CDK12: variants seen among roughly 807,000 people sequenced by gnomAD.
CDK12 encodes cyclin-dependent kinase 12.
A neutral mutation model predicts 133.8 loss-of-function variants in CDK12; 17 were observed. The observed-to-expected ratio is 0.13, with a 90% CI of 0.09 to 0.19. The LOEUF (loss-of-function observed/expected upper bound fraction) is 0.19, where lower values mean the gene tolerates loss of function less well. Among genes scored for constraint, CDK12 ranks in the 10% least tolerant of loss-of-function variants. CDK12 has a pLI of 1.00. For missense variants in CDK12, 1,508 were observed against 1,818.7 expected (o/e 0.83, Z 3.11); for synonymous variants, 694 against 683.6 (o/e 1.02, Z -0.24).
chr17:39,536,573 C>G (rs1377988595), downstream of CDK12, among the ~76,000 whole-genome samples: 1 of 152,132 alleles, frequency 6.6e-6, no homozygotes, highest in Non-Finnish European at 1.5e-5. Flanking sequence ...GAGATTGTTG[C>G]TTTTGCTGAT....
Position 39,498,046 on chromosome 17 carries a change from G to A in CDK12, c.2420-3204G>A, listed in dbSNP as rs563307540. 2.0e-5 allele frequency among the ~76,000 whole-genome samples: 3 copies of A among 148,640 alleles called. No homozygotes were observed. The East Asian group carries it at 5.9e-4, about 29-fold the overall frequency. On this transcript the variant is annotated intron_variant, in intron 5 of 13. Transcript: ENST00000447079. ...TGGGACAGAGTCTTGCTCTCTCACCGAGGCTGGAGTGCAGTGACATGATCA... is the reference window on the plus strand; with the variant it reads ...TGGGACAGAGTCTTGCTCTCTCACCAAGGCTGGAGTGCAGTGACATGATCA...
At chr17:39,466,211 G>C (rs566581380) in intron 1 of CDK12, among the ~76,000 whole-genome samples, 1 of 151,902 alleles carries the variant, frequency 6.6e-6, no homozygotes, top group East Asian at 1.9e-4. Context: ...GGGAGGCTGA[G>C]GCAGGAGAAT....
chr17:39,483,709 T>C (rs2050903100), intron 2 of CDK12, among the ~76,000 whole-genome samples: 3 of 151,136 alleles, frequency 2.0e-5, no homozygotes. Flanking sequence ...TTTATTTATT[T>C]ATTTATTTAT....
At chr17:39,565,969 T>G (rs185854705), downstream of CDK12, among the ~76,000 whole-genome samples, 4 of 152,270 alleles carry the variant, frequency 2.6e-5, no homozygotes, top group Admixed American at 2.6e-4. Flanking sequence ...AGGTCTACAG[T>G]AGCCTAGGCC....
rs895227796 is a variant in CDK12, at chr17:39,524,888, C to G, written c.3307+3C>G. On this transcript the variant is annotated splice_donor_region_variant and intron_variant, in intron 12 of 13. Transcript: ENST00000447079. ...GTCTGGGGCTGGGGATGCAATAGGT[C>G]AGTGCCAGAATGGGGCCTTTGTGCT... 1 of 1,609,474 alleles carries G rather than the reference C, an allele frequency of 6.2e-7. No homozygotes were observed. Among genetic ancestry groups the G allele is most frequent in the African/African-American group, 1.3e-5 (1 of 74,832 alleles).
intron 1 of CDK12, among the ~76,000 whole-genome samples, chr17:39,467,541 A>G (rs1365027029): frequency 6.6e-6 from 1 of 152,176 alleles, no homozygotes; most frequent in East Asian, 1.9e-4. Flanking sequence ...TAAAAATACC[A>G]CAAGTATATG....
chr17:39,464,129 G>A (rs1311070049), intron 1 of CDK12, among the ~76,000 whole-genome samples: 1 of 152,142 alleles, frequency 6.6e-6, no homozygotes, highest in East Asian at 1.9e-4. Flanking sequence ...GCATAGCACA[G>A]TGCCTTGTAC....
In CDK12 at chr17:39,531,405, C is replaced by A; in HGVS notation, c.*89C>A. The A allele has an allele frequency of 1.6e-6, 2 of 1,262,904 alleles. No individual in the cohort carries two copies. Among genetic ancestry groups the A allele is most frequent in the African/African-American group, 1.5e-5 (1 of 65,156 alleles). 78.2% of individuals were successfully genotyped at this position (1,262,904 alleles called of 1,614,324 possible). A position where few individuals can be genotyped will look rare whatever the true frequency, so the allele number is the denominator to read the frequency against. On this transcript the variant is annotated 3_prime_UTR_variant, in exon 14 of 14. Coordinates refer to ENST00000447079, the MANE Select transcript of CDK12 (RefSeq NM_016507.4). ...TCTTTAATGAAATCATTTGCCAGAG[C>A]GAGGTAATCATCTGCATTTGGCTAC... is the stretch of plus-strand genomic sequence containing the variant.
At chr17:39,539,107 C>G (rs1019710711), downstream of CDK12, among the ~76,000 whole-genome samples, 3 of 152,064 alleles carry the variant, frequency 2.0e-5, no homozygotes, top group Non-Finnish European at 4.4e-5. Context: ...CTGTTGAAAG[C>G]GACTCATAAA....
intron 3 of CDK12, among the ~76,000 whole-genome samples, chr17:39,491,701 ATT>A (rs766596742): frequency 1.8e-4 from 21 of 117,878 alleles, no homozygotes; most frequent in African/African-American, 1.3e-4. Flanking sequence ...CTGTTTATGT[ATT>A]TTTTTTTTTT....
At chr17:39,517,922 G>C (rs1340407899) in intron 10 of CDK12, among the ~76,000 whole-genome samples, 1 of 151,778 alleles carries the variant, frequency 6.6e-6, no homozygotes, top group East Asian at 1.9e-4. Flanking sequence ...GCACGTTTAG[G>C]GCTCACTGCA....
rs758176791 is a variant in CDK12 at position 39,525,914 on chromosome 17, T to C, written c.3358T>C (p.Leu1120=). 21 of 1,614,094 alleles carry C rather than the reference T, an allele frequency of 1.3e-5. No homozygotes were observed. In the East Asian group the frequency reaches 2.0e-4, roughly 15 times the overall value. Residue 1120 remains leucine, a synonymous_variant, in exon 13 of 14, where the codon TTA becomes CTA. Coordinates refer to ENST00000447079, the MANE Select transcript of CDK12 (RefSeq NM_016507.4). ...QLNQSELAVL[L]NLLQSQTDLS... is the part of the protein sequence containing the mutation. ...GAATCAAAGTGAATTGGCAGTGTTA[T>C]TAAACCTGCTGCAGAGCCAAACCGA...
At chr17:39,473,661 C>T (rs1054121909) in intron 2 of CDK12, among the ~76,000 whole-genome samples, 3 of 151,986 alleles carry the variant, frequency 2.0e-5, no homozygotes, top group Admixed American at 6.6e-5. Flanking sequence ...GAGGCCAAGG[C>T]GGGCGAATCA....
Position 39,471,476 on chromosome 17 carries a change from A to C in CDK12, c.1644A>C (p.Thr548=), listed in dbSNP as rs1597931385. ...PLPTTTPPPQ[T]PPLPPLPPIP... is the part of the protein sequence containing the mutation. ...CAACTACTACCCCTCCACCTCAGAC[A>C]CCCCCTTTGCCACCTTTGCCTCCAA... The change falls in exon 2 of 14, where the codon ACA becomes ACC. Residue 548 remains threonine (T), a synonymous_variant. Transcript: ENST00000447079. 6.3e-7 allele frequency: 1 copy of C among 1,595,370 alleles called. No homozygotes were observed. Among genetic ancestry groups the C allele is most frequent in the East Asian group, 2.3e-5 (1 of 44,338 alleles).
At chr17:39,472,415 T>C (rs1330031200) in intron 2 of CDK12, among the ~76,000 whole-genome samples, 1 of 152,092 alleles carries the variant, frequency 6.6e-6, no homozygotes, top group African/African-American at 2.4e-5. Context: ...GACTCATGCC[T>C]GTAATCCCAG....
At chr17:39,482,933 A>G (rs1682003991) in intron 2 of CDK12, among the ~76,000 whole-genome samples, 2 of 137,960 alleles carry the variant, frequency 1.4e-5, no homozygotes, top group African/African-American at 2.6e-5. Flanking sequence ...TTTTTTTTGA[A>G]ACGGAGTCTC....
chr17:39,563,891 G>A (rs2056481328), intron 3 of CDK12, among the ~76,000 whole-genome samples: 2 of 152,138 alleles, frequency 1.3e-5, no homozygotes, highest in Non-Finnish European at 2.9e-5. Context: ...GCCCCTCGGT[G>A]CCACTCACTT....
chr17:39,512,450 G>A (rs376446470), intron 8 of CDK12, among the ~76,000 whole-genome samples: 4 of 152,274 alleles, frequency 2.6e-5, no homozygotes, highest in East Asian at 3.9e-4. Flanking sequence ...AGTACAAGCA[G>A]TAAATGAGTA....
intron 6 of CDK12, among the ~76,000 whole-genome samples, chr17:39,507,857 A>C (rs994641843): frequency 3.9e-5 from 6 of 152,204 alleles, no homozygotes; most frequent in African/African-American, 1.2e-4. Context: ...TTATAAATTG[A>C]ACTTAATGTA....
Sources: allele counts gnomAD v4.1 joint callset (sites outside exome capture counted in the v4.1 genomes callset), GRCh38; gene constraint gnomAD v4.1.1; transcripts MANE v1.5; gene names NCBI Gene and HGNC (gene_info 2026-07-23, HGNC 2026-07-21).